Variants in TTN observed in about 807,000 individuals in gnomAD.
TTN encodes connectin.
Under a neutral mutation model 3,223.0 loss-of-function variants are expected in TTN, and 1,525 were observed. That is an observed-to-expected ratio of 0.47 (90% CI 0.45 to 0.49). The LOEUF (loss-of-function observed/expected upper bound fraction) is 0.49, where lower values mean the gene tolerates loss of function less well. Ranked by LOEUF, TTN falls within the 20% of genes least tolerant of loss-of-function variation. The pLI, the probability that TTN is intolerant of heterozygous loss-of-function variation, is 0.00. For missense variants in TTN, 40,786 were observed against 43,424.0 expected, an observed-to-expected ratio of 0.94 and a Z score of 5.40; for synonymous variants, 14,094 against 15,161.0, an observed-to-expected ratio of 0.93 and a Z score of 5.17.
chr2:178,669,722 G>T (rs1484400948), intron 157 of TTN, 47 bp from the exon 158 acceptor site: 2 of 1,587,280 alleles, frequency 1.3e-6, no homozygotes, highest in Non-Finnish European at 1.7e-6. Flanking sequence ...ATTATAGTTG[G>T]GTGTAAACAT....
chr2:178,781,342 G>A, intron 20 of TTN, 79 bp from the exon 21 acceptor site: 1 of 1,494,246 alleles, frequency 6.7e-7, no homozygotes, highest in Non-Finnish European at 9.2e-7. Flanking sequence ...TTATCTGTGA[G>A]TGGATCTGTG....
chr2:178,786,180 C>G, intron 13 of TTN, 39 bp from the exon 14 acceptor site: 5 of 1,605,704 alleles, frequency 3.1e-6, no homozygotes, highest in East Asian at 2.2e-5. Flanking sequence ...ATAGGAATAT[C>G]GAGATCAGGC....
chr2:178,598,782 C>T lies in TTN; in HGVS notation c.56928G>A (p.Leu18976=), dbSNP rs1394396376. 6.2e-7 allele frequency: 1 copy of T among 1,613,386 alleles called. No homozygotes were observed. Among genetic ancestry groups the T allele is most frequent in the East Asian group, 2.2e-5 (1 of 44,798 alleles). Reference sequence around the variant, plus strand: ...CTCTAGCAGTCGCTGGGTCTGATGGCAGACTTGCTGGACCCACGCCAGCAG... The same window carrying T: ...CTCTAGCAGTCGCTGGGTCTGATGGTAGACTTGCTGGACCCACGCCAGCAG... ...INAAGVGPAS[L]PSDPATARDP... The change falls in exon 291 of 363, where the codon CTG becomes CTA. Residue 18976 remains leucine, a synonymous_variant. Coordinates refer to ENST00000589042, the MANE Select transcript of TTN (RefSeq NM_001267550.2).
rs185972872 is a variant in TTN at position 178,704,444 on chromosome 2, C to T, written c.29963-37G>A. 1.7e-5 allele frequency: 27 copies of T among 1,604,066 alleles called. No individual in the cohort carries two copies. The East Asian group carries it at 5.6e-4, about 33-fold the overall frequency. ...ATACAACACGCATTTTGTTCAATAT[C>T]ACACGCAGATGTGCTCAACAGTAAT... On this transcript the variant is annotated intron_variant, in intron 105 of 362. Coordinates refer to ENST00000589042, the MANE Select transcript of TTN (RefSeq NM_001267550.2).
intron 278 of TTN, 136 bp from the exon 279 acceptor site, chr2:178,605,849 C>T (rs1464292627): frequency 2.7e-5 from 22 of 820,060 alleles, no homozygotes; most frequent in Non-Finnish European, 3.3e-5. Flanking sequence ...AAAATCATTC[C>T]TAAAACTTGT....
rs749973333 is a variant in TTN, at chr2:178,554,235, A to G, written c.88895-19T>C. 4 of 1,557,764 alleles carry G rather than the reference A, an allele frequency of 2.6e-6. No individual in the cohort carries two copies. In the South Asian group the frequency reaches 5.0e-5, roughly 19 times the overall value. On this transcript the variant is annotated intron_variant, in intron 332 of 362. Coordinates refer to ENST00000589042, the MANE Select transcript of TTN (RefSeq NM_001267550.2). ...GGTGTAACTATTTAGAAAGGAAGGG[A>G]AAACAAGGTACAAGAATCCACATTA...
intron 273 of TTN, 147 bp from the exon 274 acceptor site, chr2:178,609,055 A>C: frequency 7.8e-7 from 1 of 1,280,382 alleles, no homozygotes; most frequent in Non-Finnish European, 1.1e-6. Context: ...TAACAAGATC[A>C]GGTGATTTCT....
chr2:178,705,237 G>A lies in TTN; in HGVS notation c.29541C>T (p.Phe9847=), dbSNP rs56812642. ...KYARMYGITD[F]RGLLQAFELL... is the part of the protein sequence containing the mutation. ...GTTCAAATGCTTGAAGAAGACCTCGGAAGTCAGTGATTCCATACATGCGGG... is the reference window on the plus strand; with the variant it reads ...GTTCAAATGCTTGAAGAAGACCTCGAAAGTCAGTGATTCCATACATGCGGG... Residue 9847 remains phenylalanine, a synonymous_variant, in exon 103 of 363, where the codon TTC becomes TTT. Transcript: ENST00000589042. 2.5e-4 allele frequency: 401 copies of A among 1,613,690 alleles called. 2 individuals are homozygous for A. The African/African-American group carries it at 4.7e-3, about 19-fold the overall frequency.
At chr2:178,649,483 C>A in intron 212 of TTN, 71 bp downstream of exon 212, 1 of 1,469,832 alleles carries the variant, frequency 6.8e-7, no homozygotes, top group Non-Finnish European at 9.2e-7. Flanking sequence ...ACAATGAGGA[C>A]AACTTATTGG....
intron 13 of TTN, 23 bp from the exon 14 acceptor site, chr2:178,786,164 T>G (rs1160652350): frequency 6.2e-7 from 1 of 1,612,402 alleles, no homozygotes; most frequent in African/African-American, 1.3e-5. Context: ...TTTCCAGAAT[T>G]AATACATAGG....
rs950891059 is a variant in TTN, at chr2:178,563,386, A to G, written c.82746T>C (p.Thr27582=). Residue 27582 remains threonine (T), a synonymous_variant, in exon 326 of 363, where the codon ACT becomes ACC. Transcript: ENST00000589042. The surrounding 1 kb of genome is among the most constrained non-coding windows in gnomAD (Gnocchi z 4.5). ...ATGCCAGGGAGACAGAAGATCTGGA[A>G]GTGTCCGTCACTTTTGGATTGCTTG... is the stretch of plus-strand genomic sequence containing the variant. ...GPPSNPKVTD[T]SRSSVSLAWS... is the part of the protein sequence containing the mutation. 2 of 1,613,588 alleles carry G rather than the reference A, an allele frequency of 1.2e-6. No homozygotes were observed. The highest frequency in any genetic ancestry group is 3.3e-5 in the Admixed American group (2 of 59,974).
intron 331 of TTN, 30 bp downstream of exon 331, chr2:178,554,835 A>G (rs1158935734): frequency 6.2e-7 from 1 of 1,613,238 alleles, no homozygotes. Flanking sequence ...GGCAAATGTA[A>G]TATGACAGTG....
intron 221 of TTN, 52 bp from the exon 222 acceptor site, chr2:178,640,162 T>A: frequency 6.4e-7 from 1 of 1,568,030 alleles, no homozygotes. Context: ...TTGAAGTTTT[T>A]CACAAAGTCA....
At position 178,640,074 on chromosome 2, in the gene TTN, G is replaced by A. The variant is rs2061027559; in HGVS notation, c.40760C>T (p.Pro13587Leu). The change falls in exon 222 of 363, where the codon CCT becomes CTT. Residue 13587 changes from proline to leucine, a missense_variant. Transcript: ENST00000589042. ...TGCTTCGGGCTTTGGTTTCGGTTCA[G>A]GTGCAGGGAGAGGTATTGCTGGCTT... ...EIKPAIPLPA[P>L]EPKPKPEAEV... The A allele has an allele frequency of 6.2e-7, 1 of 1,612,234 alleles. No homozygotes were observed. Among genetic ancestry groups the A allele is most frequent in the Non-Finnish European group, 8.5e-7 (1 of 1,178,790 alleles).
Position 178,558,152 on chromosome 2 carries a change from T to C in TTN, c.87202A>G (p.Ile29068Val), listed in dbSNP as rs766759385. Reference sequence around the variant, plus strand: ...ACTTTGGGAAGTGGTTTTCCAGAGATTGGAATGTCAACTTTAAGGTTTGAA... The same window carrying C: ...ACTTTGGGAAGTGGTTTTCCAGAGACTGGAATGTCAACTTTAAGGTTTGAA... ...AGSNLKVDIPISGKPLPKVTL... is the reference protein window; with the variant it reads ...AGSNLKVDIPVSGKPLPKVTL... The change falls in exon 328 of 363, where the codon ATC (isoleucine) becomes GTC (valine). Residue 29068 changes from isoleucine (I) to valine (V), a missense_variant. By Grantham distance (29) the Ile-to-Val change is conservative. Transcript: ENST00000589042. 82 of 1,613,728 alleles carry C rather than the reference T, an allele frequency of 5.1e-5. 3 individuals carry two copies. In the South Asian group the frequency reaches 7.8e-4, roughly 15 times the overall value.
In TTN at chr2:178,617,101, A is replaced by C. The variant is rs149501990; in HGVS notation, c.47875+19T>G. The stretch of plus-strand genomic sequence containing the variant: ...AGCTATGTGCTATTCCCCGATCTAA[A>C]AATAAAATATCTATTTACCAAATGC... On this transcript the variant is annotated intron_variant, in intron 255 of 362. Coordinates refer to ENST00000589042, the MANE Select transcript of TTN (RefSeq NM_001267550.2). 17 of 1,610,628 alleles carry C rather than the reference A, an allele frequency of 1.1e-5. No individual in the cohort carries two copies. The highest frequency in any genetic ancestry group is 1.4e-5 in the Non-Finnish European group (16 of 1,178,366).
In TTN at chr2:178,723,045, C is replaced by A; in HGVS notation, c.21961+1G>T. 5 of 1,613,138 alleles carry A rather than the reference C, an allele frequency of 3.1e-6. No individual in the cohort carries two copies. Among genetic ancestry groups the A allele is most frequent in the Non-Finnish European group, 4.2e-6 (5 of 1,179,454 alleles). On this transcript the variant is annotated splice_donor_variant, in intron 75 of 362. Transcript: ENST00000589042. LOFTEE classifies it high-confidence loss of function. ...ATTTAAGAGACAATAAGACAACACACCTAATGTAGATACCAGAGCTCCACA... is the reference window on the plus strand; with the variant it reads ...ATTTAAGAGACAATAAGACAACACAACTAATGTAGATACCAGAGCTCCACA...
chr2:178,612,959 T>C lies in TTN; in HGVS notation c.49762A>G (p.Ile16588Val), dbSNP rs1251831852. 4 of 1,612,736 alleles carry C rather than the reference T, an allele frequency of 2.5e-6. No homozygotes were observed. The highest frequency in any genetic ancestry group is 1.7e-4 in the Middle Eastern group (1 of 6,050). ...TCTGTTCCAGTCTTCAGCATTTCAA[T>C]GACATAAGACTCAATCTTTGCACCT... ...DGGAKIESYV[I>V]EMLKTGTDEW... is the part of the protein sequence containing the mutation. Residue 16588 changes from isoleucine (I) to valine (V), a missense_variant, in exon 265 of 363, where the codon ATT becomes GTT. Ile to Val is a conservative substitution (Grantham distance 29). Transcript: ENST00000589042.
rs1253331959 is a variant in TTN, at chr2:178,669,365, ACACT to A, written c.35545+4_35545+7del. 6.6e-7 allele frequency: 1 copy of A among 1,521,720 alleles called. No homozygotes were observed. Among genetic ancestry groups the A allele is most frequent in the South Asian group, 1.2e-5 (1 of 80,430 alleles). 94.3% of individuals were successfully genotyped at this position (1,521,720 alleles called of 1,614,324 possible). On this transcript the variant is annotated splice_donor_5th_base_variant and intron_variant, in intron 159 of 362. Coordinates refer to ENST00000589042, the MANE Select transcript of TTN (RefSeq NM_001267550.2). The stretch of plus-strand genomic sequence containing the variant: ...ACGAAAAAGAACCACTAATTTTTCT[ACACT>A]CACTGTACATCTCTGTGTCTTCAGA...
Sources: allele counts gnomAD v4.1 joint callset, GRCh38; gene constraint gnomAD v4.1.1; non-coding constraint Gnocchi (gnomAD v3.1); transcripts MANE v1.5; gene names NCBI Gene and HGNC (gene_info 2026-07-23, HGNC 2026-07-21).